KCNJ6: variants seen among roughly 807,000 people sequenced by gnomAD.
The protein encoded by KCNJ6 is potassium inwardly rectifying channel subfamily J member 6.
In KCNJ6, 9 loss-of-function variants were observed where a neutral mutation model predicts 34.2. The observed-to-expected ratio is 0.26, with a 90% CI of 0.16 to 0.46. KCNJ6 has a LOEUF of 0.46. Ranked by LOEUF, KCNJ6 falls within the 20% of genes least tolerant of loss-of-function variation. The pLI is 1.00. For missense variants in KCNJ6, 236 were observed against 531.3 expected (o/e 0.44, Z 5.46); for synonymous variants, 196 against 207.1 (o/e 0.95, Z 0.46).
At chr21:37,759,962 C>T (rs1319769807) in intron 2 of KCNJ6, among the ~76,000 whole-genome samples, 3 of 152,158 alleles carry the variant, frequency 2.0e-5, no homozygotes, top group Non-Finnish European at 4.4e-5. Flanking sequence ...GATGCTACAT[C>T]GTGATGACAC....
chr21:37,681,255 G>A (rs1423365533), intron 3 of KCNJ6, among the ~76,000 whole-genome samples: 1 of 152,266 alleles, frequency 6.6e-6, no homozygotes, highest in East Asian at 1.9e-4. Flanking sequence ...GAGAATTCTT[G>A]TGTGTTGCCT....
At position 37,609,736 on chromosome 21, in the gene KCNJ6, G is replaced by GT. The variant is rs978271343; in HGVS notation, c.*15422dup. 5 of 152,202 alleles carry GT rather than the reference G, an allele frequency of 3.3e-5. No individual in the cohort carries two copies. The highest frequency in any genetic ancestry group is 1.2e-4 in the African/African-American group (5 of 41,526). 9.4% of individuals were successfully genotyped at this position (152,202 alleles called of 1,614,324 possible). On this transcript the variant is annotated 3_prime_UTR_variant, in exon 4 of 4. Coordinates refer to ENST00000609713, the MANE Select transcript of KCNJ6 (RefSeq NM_002240.5). ...TCCTGTCTGGTTTAGTTTTTGTTTT[G>GT]TTTTTCTGACTGGGGCCCTAGGTGC... is the stretch of plus-strand genomic sequence containing the variant.
At chr21:37,632,052 G>A (rs950671530) in intron 3 of KCNJ6, among the ~76,000 whole-genome samples, 3 of 152,128 alleles carry the variant, frequency 2.0e-5, no homozygotes, top group Non-Finnish European at 4.4e-5. Context: ...CAAATGCTGA[G>A]CAAGTCTTGG....
At chr21:37,664,082 T>C (rs2054502631) in intron 3 of KCNJ6, among the ~76,000 whole-genome samples, 1 of 152,176 alleles carries the variant, frequency 6.6e-6, no homozygotes, top group Non-Finnish European at 1.5e-5. Context: ...CACCATACTT[T>C]TGGAAATAAA....
intron 1 of KCNJ6, among the ~76,000 whole-genome samples, chr21:37,908,869 G>A (rs1377309213): frequency 1.3e-5 from 2 of 152,178 alleles, no homozygotes; most frequent in African/African-American, 4.8e-5. Flanking sequence ...TTTGCTGCCA[G>A]ACATTTATAT....
chr21:37,756,610 AGTGTGAT>A (rs1418375294), intron 2 of KCNJ6, among the ~76,000 whole-genome samples: 26 of 149,204 alleles, frequency 1.7e-4, no homozygotes, highest in South Asian at 2.1e-4. Context: ...ACTCCCTCAC[AGTGTGAT>A]GATTCCAGCC....
chr21:37,864,625 G>A (rs2055612866), intron 1 of KCNJ6, among the ~76,000 whole-genome samples: 1 of 152,170 alleles, frequency 6.6e-6, no homozygotes, highest in Admixed American at 6.5e-5. Flanking sequence ...GGTTTCAGAG[G>A]TGGAGGGACT....
At chr21:37,658,423 A>G (rs1447130351) in intron 3 of KCNJ6, among the ~76,000 whole-genome samples, 1 of 152,354 alleles carries the variant, frequency 6.6e-6, no homozygotes, top group Non-Finnish European at 1.5e-5. Context: ...TGCAGTGCAG[A>G]ACATCTGAGA....
chr21:37,848,575 T>C (rs1267974155), intron 1 of KCNJ6, among the ~76,000 whole-genome samples: 1 of 152,204 alleles, frequency 6.6e-6, no homozygotes, highest in Non-Finnish European at 1.5e-5. Context: ...CATTGTGGTC[T>C]TGTTGACCAG....
At chr21:37,837,847 T>C (rs1381227638) in intron 2 of KCNJ6, among the ~76,000 whole-genome samples, 1 of 152,204 alleles carries the variant, frequency 6.6e-6, no homozygotes, top group African/African-American at 2.4e-5. Context: ...TCATTGTAGA[T>C]TTCTATGTAA....
chr21:37,663,634 T>C (rs1174038660), intron 3 of KCNJ6, among the ~76,000 whole-genome samples: 4 of 152,062 alleles, frequency 2.6e-5, no homozygotes. Context: ...AGGCAAAAGG[T>C]ATTGCAAGAG....
At chr21:37,632,063 C>T (rs2054336011) in intron 3 of KCNJ6, among the ~76,000 whole-genome samples, 1 of 151,988 alleles carries the variant, frequency 6.6e-6, no homozygotes, top group Admixed American at 6.6e-5. Context: ...CAAGTCTTGG[C>T]TTTAGAGAAA....
intron 1 of KCNJ6, among the ~76,000 whole-genome samples, chr21:37,844,113 C>G (rs2055494541): frequency 6.7e-6 from 1 of 149,538 alleles, no homozygotes; most frequent in Non-Finnish European, 1.5e-5. Context: ...GGCTGGAGTA[C>G]AGTGGCATGA....
chr21:37,687,469 G>A (rs550532063), intron 3 of KCNJ6, among the ~76,000 whole-genome samples: 9 of 152,252 alleles, frequency 5.9e-5, no homozygotes, highest in African/African-American at 2.2e-4. Context: ...CTACTGTTCT[G>A]TCCTTCAATG....
chr21:37,874,977 T>A (rs868656571), intron 1 of KCNJ6, among the ~76,000 whole-genome samples: 2 of 152,226 alleles, frequency 1.3e-5, no homozygotes, highest in South Asian at 4.1e-4. Context: ...AAAACATAAG[T>A]CAGATTCTGG....
intron 1 of KCNJ6, among the ~76,000 whole-genome samples, chr21:37,877,740 C>T (rs76259180): frequency 0.031 from 4,763 of 152,316 alleles, 114 homozygotes; most frequent in East Asian, 0.11. Context: ...TTGTCCCTCT[C>T]ACTTCTTCCT....
chr21:37,866,502 C>G (rs890447387), intron 1 of KCNJ6, among the ~76,000 whole-genome samples: 2 of 152,216 alleles, frequency 1.3e-5, no homozygotes, highest in East Asian at 1.9e-4. Flanking sequence ...CTTTCACATA[C>G]TTTTGTGCAG....
chr21:37,845,793 C>G (rs983530611), intron 1 of KCNJ6, among the ~76,000 whole-genome samples: 1 of 152,126 alleles, frequency 6.6e-6, no homozygotes, highest in African/African-American at 2.4e-5. Context: ...GGGAACTACT[C>G]GTCAACAGCT....
At chr21:37,659,813 C>T (rs1008635072) in intron 3 of KCNJ6, among the ~76,000 whole-genome samples, 34 of 152,238 alleles carry the variant, frequency 2.2e-4, no homozygotes, top group African/African-American at 7.2e-4. Flanking sequence ...CTTCTTCATG[C>T]CCTCTCCAAT....
Sources: gnomAD v4.1 joint callset for allele counts (sites outside exome capture counted in the v4.1 genomes callset) on GRCh38, gnomAD v4.1.1 for gene constraint, MANE v1.5 for transcripts, NCBI Gene and HGNC (gene_info 2026-07-23, HGNC 2026-07-21) for gene names.